Variants in KCNMA1 observed in about 807,000 individuals in gnomAD.
KCNMA1 encodes the protein Calcium-activated potassium channel subunit alpha-1.
KCNMA1 carries 29 observed loss-of-function variants against 140.0 expected under a neutral mutation model. The ratio of observed to expected loss-of-function variants is 0.21; its 90% CI spans 0.15 to 0.28. KCNMA1 has a LOEUF of 0.28. Ranked by LOEUF, KCNMA1 falls within the 10% of genes least tolerant of loss-of-function variation. The pLI is 1.00. For synonymous variants in KCNMA1, 612 were observed against 611.9 expected (o/e 1.00, Z 0.00); for missense variants, 880 against 1,602.2 (o/e 0.55, Z 7.70).
At position 77,637,612 on chromosome 10, in the gene KCNMA1, T is replaced by C. The variant is rs886047270; in HGVS notation, c.31A>G (p.Ser11Gly). 5.7e-5 allele frequency: 86 copies of C among 1,521,090 alleles called. No individual in the cohort carries two copies. The Middle Eastern group carries it at 7.6e-4, about 14-fold the overall frequency. The allele number at this position is 1,521,090 out of a possible 1,614,324, so 94.2% of individuals were successfully genotyped here. Reference sequence around the variant, plus strand: ...CCGCCGCCGCCGCCGCCGCCGCTGCTGCCGCCGCCGCCGCCGCCACCATTT... The same window carrying C: ...CCGCCGCCGCCGCCGCCGCCGCTGCCGCCGCCGCCGCCGCCGCCACCATTT... MANGGGGGGG[S>G]SGGGGGGGGS... Residue 11 changes from serine (S) to glycine (G), a missense_variant, in exon 1 of 28, where the codon AGC (serine) becomes GGC (glycine). Physicochemically the swap from Ser to Gly is moderately conservative, Grantham distance 56. Transcript: ENST00000286628.
intron 2 of KCNMA1, among the ~76,000 whole-genome samples, chr10:77,310,295 G>T (rs2078938260): frequency 1.3e-5 from 2 of 152,010 alleles, no homozygotes; most frequent in Admixed American, 1.3e-4. Context: ...CTGCTGCAGT[G>T]CCTATCCCCC....
intron 2 of KCNMA1, among the ~76,000 whole-genome samples, chr10:77,269,445 A>G (rs2154278598): frequency 6.6e-6 from 1 of 152,326 alleles, no homozygotes; most frequent in Non-Finnish European, 1.5e-5. Context: ...AAGCACTTTG[A>G]GAAAGTTCAT....
At chr10:77,579,358 A>T (rs552497882) in intron 1 of KCNMA1, among the ~76,000 whole-genome samples, 19 of 152,320 alleles carry the variant, frequency 1.2e-4, no homozygotes, top group Non-Finnish European at 2.1e-4. Context: ...AGGTGTGGGC[A>T]AACTTCTCTG....
chr10:77,044,787 G>A (rs2094943401), intron 14 of KCNMA1, among the ~76,000 whole-genome samples: 2 of 152,210 alleles, frequency 1.3e-5, no homozygotes, highest in African/African-American at 2.4e-5. Flanking sequence ...GAGAGGTTAA[G>A]AAACCTGCTG....
intron 6 of KCNMA1, among the ~76,000 whole-genome samples, chr10:77,116,444 A>G (rs953473296): frequency 6.6e-6 from 1 of 152,034 alleles, no homozygotes. Context: ...TAACACAGAA[A>G]ATGCCATGCA....
intron 1 of KCNMA1, among the ~76,000 whole-genome samples, chr10:77,452,969 C>G (rs2097690833): frequency 6.6e-6 from 1 of 152,136 alleles, no homozygotes; most frequent in African/African-American, 2.4e-5. Context: ...TCCTTAATCT[C>G]ATCTGGAAAA....
chr10:77,350,654 A>G (rs891055096), intron 2 of KCNMA1: 3 of 152,236 alleles, frequency 2.0e-5, no homozygotes, highest in African/African-American at 7.2e-5. Context: ...CCAAAATTCC[A>G]GTCCCTATCT....
At chr10:77,056,380 AAAT>A (rs988447856) in intron 14 of KCNMA1, among the ~76,000 whole-genome samples, 1 of 151,838 alleles carries the variant, frequency 6.6e-6, no homozygotes, top group African/African-American at 2.4e-5. Context: ...ACTCCATCTC[AAAT>A]AATAATAATA....
At chr10:77,477,697 C>T (rs745985316) in intron 1 of KCNMA1, among the ~76,000 whole-genome samples, 32 of 152,182 alleles carry the variant, frequency 2.1e-4, no homozygotes, top group Non-Finnish European at 4.4e-4. Flanking sequence ...TTGTTGCACA[C>T]CTTTCTTTAG....
At chr10:76,908,889 T>C (rs2048889890) in intron 25 of KCNMA1, among the ~76,000 whole-genome samples, 1 of 152,238 alleles carries the variant, frequency 6.6e-6, no homozygotes, top group Non-Finnish European at 1.5e-5. Context: ...TTATGACTCA[T>C]TCTAAATGCC....
chr10:77,220,012 AAATAAT>A (rs904651751), intron 3 of KCNMA1, among the ~76,000 whole-genome samples: 27 of 152,196 alleles, frequency 1.8e-4, no homozygotes, highest in African/African-American at 6.3e-4. Context: ...TAGAGAGCTT[AAATAAT>A]AATAATAACT....
At chr10:76,931,930 G>A (rs1048210499) in intron 23 of KCNMA1, among the ~76,000 whole-genome samples, 1 of 152,204 alleles carries the variant, frequency 6.6e-6, no homozygotes, top group Non-Finnish European at 1.5e-5. Flanking sequence ...CTAGGTACAA[G>A]TGGATAATCC....
chr10:77,530,917 C>A (rs545981353), intron 1 of KCNMA1, among the ~76,000 whole-genome samples: 1 of 152,184 alleles, frequency 6.6e-6, no homozygotes, highest in Admixed American at 6.5e-5. Context: ...TATTTTTCCA[C>A]AAGTGTATTC....
intron 5 of KCNMA1, chr10:77,148,224 A>G (rs1483565085): frequency 6.6e-6 from 1 of 152,232 alleles, no homozygotes; most frequent in African/African-American, 2.4e-5. Context: ...GTGAACTGAG[A>G]AAACCTATAA....
chr10:77,609,068 A>T (rs1268229648), intron 1 of KCNMA1, among the ~76,000 whole-genome samples: 1 of 152,228 alleles, frequency 6.6e-6, no homozygotes, highest in African/African-American at 2.4e-5. Flanking sequence ...TAGAACTACC[A>T]TATGATCCAG....
Position 77,322,552 on chromosome 10 carries a change from C to T in KCNMA1, c.541-71296G>A, listed in dbSNP as rs142525023. ...GAGTGCCAGACAGAACTAGTTCTTA[C>T]GCTCTGCGAAGAAAAGAGTGGACTG... On this transcript the variant is annotated intron_variant, in intron 2 of 27. Transcript: ENST00000286628. 2.3e-3 allele frequency among the ~76,000 whole-genome samples: 353 copies of T among 152,270 alleles called. 1 individual carries two copies. Among genetic ancestry groups the T allele is most frequent in the African/African-American group, 7.3e-3 (305 of 41,550 alleles).
chr10:77,113,080 T>A (rs542161861), intron 6 of KCNMA1, among the ~76,000 whole-genome samples: 1 of 152,324 alleles, frequency 6.6e-6, no homozygotes, highest in South Asian at 2.1e-4. Flanking sequence ...TTTTTTTTAT[T>A]TTCCCCCCAG....
chr10:77,174,370 G>A (rs574320504), intron 5 of KCNMA1, among the ~76,000 whole-genome samples: 2 of 152,290 alleles, frequency 1.3e-5, no homozygotes, highest in African/African-American at 4.8e-5. Flanking sequence ...GTGCAAGAGT[G>A]TCCTGGGCAT....
intron 15 of KCNMA1, among the ~76,000 whole-genome samples, chr10:77,036,190 T>C (rs1398932251): frequency 6.6e-6 from 1 of 152,190 alleles, no homozygotes; most frequent in African/African-American, 2.4e-5. Flanking sequence ...ACTCTTGGAC[T>C]TACACCAGTG....
Sources: allele counts gnomAD v4.1 joint callset (sites outside exome capture counted in the v4.1 genomes callset), GRCh38; gene constraint gnomAD v4.1.1; transcripts MANE v1.5; gene names NCBI Gene and HGNC (gene_info 2026-07-23, HGNC 2026-07-21).